The following RBMS3 variants were observed in gnomAD, a reference collection of about 807,000 sequenced individuals.
The protein encoded by RBMS3 is RNA binding motif single stranded interacting protein 3, also known as RNA-binding motif, single-stranded-interacting protein 3.
Under a neutral mutation model 66.8 loss-of-function variants are expected in RBMS3, and 27 were observed. The observed-to-expected ratio is 0.40, with a 90% CI of 0.30 to 0.56. The LOEUF (loss-of-function observed/expected upper bound fraction) is 0.56, where lower values mean the gene tolerates loss of function less well. RBMS3 is among the 20% of genes least tolerant of loss of function. The pLI is 0.40. For synonymous variants in RBMS3, 188 were observed against 183.0 expected (o/e 1.03, Z -0.22); for missense variants, 513 against 549.5 (o/e 0.93, Z 0.66).
chr3:29,394,015 G>A (rs2039430009), intron 1 of RBMS3, among the ~76,000 whole-genome samples: 1 of 152,078 alleles, frequency 6.6e-6, no homozygotes, highest in Non-Finnish European at 1.5e-5. Flanking sequence ...ACAGGAAACA[G>A]GGTTCGAGAG....
At chr3:29,953,668 G>C (rs1233329827) in intron 12 of RBMS3, among the ~76,000 whole-genome samples, 1 of 151,752 alleles carries the variant, frequency 6.6e-6, no homozygotes, top group Non-Finnish European at 1.5e-5. Flanking sequence ...AGTGCTCTAC[G>C]TGAATTGATT....
At chr3:29,854,344 G>A (rs1053202140) in intron 6 of RBMS3, among the ~76,000 whole-genome samples, 2 of 152,180 alleles carry the variant, frequency 1.3e-5, no homozygotes, top group African/African-American at 4.8e-5. Context: ...TAACAAGCAG[G>A]GGCAAATCTG....
At chr3:29,300,776 C>T (rs776440002) in intron 1 of RBMS3, among the ~76,000 whole-genome samples, 9 of 151,630 alleles carry the variant, frequency 5.9e-5, no homozygotes, top group East Asian at 5.9e-4. Context: ...AAGAGGAAAC[C>T]AAGCAAAGAA....
Position 29,557,169 on chromosome 3 carries a change from T to G in RBMS3, c.308-29945T>G, listed in dbSNP as rs560884030. On this transcript the variant is annotated intron_variant, in intron 3 of 14. Coordinates refer to ENST00000383767, the MANE Select transcript of RBMS3 (RefSeq NM_001003793.3). ...AGTATTTCTGCTTAAAACATCTTTT[T>G]CCTGTACTCCACATTTTGCAGATAT... Among the ~76,000 whole-genome samples, 4 of 152,318 alleles carry G rather than the reference T, an allele frequency of 2.6e-5. No homozygotes were observed. The South Asian group carries it at 8.3e-4, about 32-fold the overall frequency.
chr3:29,286,571 A>C (rs2032355063), intron 1 of RBMS3, among the ~76,000 whole-genome samples: 2 of 150,492 alleles, frequency 1.3e-5, no homozygotes, highest in Admixed American at 1.3e-4. Context: ...AAATAGCACA[A>C]AATTATAGCA....
intron 7 of RBMS3, among the ~76,000 whole-genome samples, chr3:29,881,564 C>A (rs1296206580): frequency 6.6e-6 from 1 of 152,124 alleles, no homozygotes; most frequent in African/African-American, 2.4e-5. Flanking sequence ...AACATGATTT[C>A]CACTGTACCC....
chr3:29,492,295 C>CA (rs1451212209), intron 3 of RBMS3, among the ~76,000 whole-genome samples: 2 of 151,760 alleles, frequency 1.3e-5, no homozygotes, highest in African/African-American at 4.8e-5. Flanking sequence ...ATTTTCCTTT[C>CA]AAAAAATAGA....
At chr3:29,675,244 T>C (rs568511494) in intron 4 of RBMS3, among the ~76,000 whole-genome samples, 2 of 152,168 alleles carry the variant, frequency 1.3e-5, no homozygotes, top group Admixed American at 6.5e-5. Context: ...TGAAACTGGA[T>C]CCCTTCCTTA....
intron 1 of RBMS3, among the ~76,000 whole-genome samples, chr3:29,342,733 A>T (rs1242081916): frequency 6.6e-6 from 1 of 152,162 alleles, no homozygotes; most frequent in African/African-American, 2.4e-5. Context: ...GTATATGTTA[A>T]AACCTATACG....
At chr3:29,728,193 C>T (rs2149331609) in intron 4 of RBMS3, among the ~76,000 whole-genome samples, 2 of 148,492 alleles carry the variant, frequency 1.3e-5, no homozygotes. Flanking sequence ...ACATCACACA[C>T]TGGGGGCCTG....
At chr3:29,512,193 T>C (rs2148957039) in intron 3 of RBMS3, among the ~76,000 whole-genome samples, 1 of 152,134 alleles carries the variant, frequency 6.6e-6, no homozygotes, top group South Asian at 2.1e-4. Flanking sequence ...TTTCATCAGT[T>C]AGTCAGGATT....
chr3:29,419,338 A>G (rs1231740229), intron 1 of RBMS3, among the ~76,000 whole-genome samples: 1 of 152,192 alleles, frequency 6.6e-6, no homozygotes, highest in African/African-American at 2.4e-5. Flanking sequence ...TAATCTTTAA[A>G]ATATTTTCTC....
intron 1 of RBMS3, among the ~76,000 whole-genome samples, chr3:29,310,434 C>T (rs895974686): frequency 6.6e-6 from 1 of 151,420 alleles, no homozygotes; most frequent in African/African-American, 2.4e-5. Flanking sequence ...ATGGGAATTA[C>T]ATGTATGGTA....
chr3:29,453,769 A>G (rs963196655), intron 2 of RBMS3, among the ~76,000 whole-genome samples: 6 of 152,348 alleles, frequency 3.9e-5, no homozygotes, highest in Admixed American at 1.3e-4. Flanking sequence ...GGAAGAGGGC[A>G]GAATCAATAT....
chr3:29,727,246 C>G (rs1451641007), intron 4 of RBMS3, among the ~76,000 whole-genome samples: 1 of 152,010 alleles, frequency 6.6e-6, no homozygotes, highest in Non-Finnish European at 1.5e-5. Flanking sequence ...AATGTAAAAC[C>G]CCAAGTCATA....
At chr3:29,483,753 T>G (rs957344953) in intron 2 of RBMS3, among the ~76,000 whole-genome samples, 7 of 152,212 alleles carry the variant, frequency 4.6e-5, no homozygotes, top group Admixed American at 3.9e-4. Context: ...CTAAGACATA[T>G]AAAAATCATT....
chr3:29,724,423 T>C (rs1219286957), intron 4 of RBMS3, among the ~76,000 whole-genome samples: 1 of 152,160 alleles, frequency 6.6e-6, no homozygotes, highest in Admixed American at 6.6e-5. Flanking sequence ...ACATTGAATT[T>C]CTACAATAAC....
At chr3:29,433,769 G>A (rs936151881) in intron 1 of RBMS3, among the ~76,000 whole-genome samples, 17 of 152,114 alleles carry the variant, frequency 1.1e-4, no homozygotes, top group African/African-American at 3.9e-4. Flanking sequence ...ATGAATTCTG[G>A]TATGTATAAT....
intron 12 of RBMS3, 23 bp from the exon 13 acceptor site, chr3:29,988,120 C>T: frequency 6.4e-7 from 1 of 1,569,590 alleles, no homozygotes; most frequent in Middle Eastern, 1.7e-4. Context: ...AGTTCACATG[C>T]ATTTTTCTTT....
Sources: gnomAD v4.1 joint callset for allele counts (sites outside exome capture counted in the v4.1 genomes callset) on GRCh38, gnomAD v4.1.1 for gene constraint, MANE v1.5 for transcripts, NCBI Gene and HGNC (gene_info 2026-07-23, HGNC 2026-07-21) for gene names.